The following FOXO1 variants were observed in gnomAD, a reference collection of about 807,000 sequenced individuals.
FOXO1 encodes the protein forkhead box protein O1.
FOXO1 carries 6 observed loss-of-function variants against 44.1 expected under a neutral mutation model. The ratio of observed to expected loss-of-function variants is 0.14; its 90% CI spans 0.07 to 0.27. The LOEUF (loss-of-function observed/expected upper bound fraction) is 0.27, where lower values mean the gene tolerates loss of function less well. FOXO1 is among the 10% of genes least tolerant of loss of function. The pLI, the probability that FOXO1 is intolerant of heterozygous loss-of-function variation, is 1.00. For synonymous variants in FOXO1, 380 were observed against 362.7 expected (o/e 1.05, Z -0.54); for missense variants, 737 against 888.8 (o/e 0.83, Z 2.17).
At chr13:40,663,410 T>A (rs1398065632) in intron 1 of FOXO1, among the ~76,000 whole-genome samples, 1 of 152,218 alleles carries the variant, frequency 6.6e-6, no homozygotes, top group Non-Finnish European at 1.5e-5. Flanking sequence ...CCCAAAACAC[T>A]TCCTTTATCT....
intron 1 of FOXO1, chr13:40,620,374 G>A (rs1287026170): frequency 3.3e-5 from 23 of 697,720 alleles, no homozygotes; most frequent in East Asian, 1.1e-4. Flanking sequence ...CGTTTAGAGC[G>A]GTCACGTATT....
chr13:40,614,129 G>A (rs1218711936), intron 1 of FOXO1, among the ~76,000 whole-genome samples: 1 of 152,114 alleles, frequency 6.6e-6, no homozygotes. Context: ...ACAAATGTTG[G>A]AAAAGTCCCA....
chr13:40,578,122 G>T (rs1593385821), intron 1 of FOXO1, among the ~76,000 whole-genome samples: 1 of 152,208 alleles, frequency 6.6e-6, no homozygotes, highest in Admixed American at 6.5e-5. Context: ...TGAACATTAA[G>T]TACTAAAGAA....
At chr13:40,617,794 CAG>C (rs1020316306) in intron 1 of FOXO1, among the ~76,000 whole-genome samples, 34 of 152,150 alleles carry the variant, frequency 2.2e-4, no homozygotes, top group African/African-American at 7.7e-4. Context: ...TTTTTAATTT[CAG>C]AGATTCCTAA....
At position 40,640,307 on chromosome 13, in the gene FOXO1, T is replaced by A. The variant is rs77911505; in HGVS notation, c.630+25276A>T. ...AGGGAAAGGGAGGGACGATGAACAT[T>A]ATTTGGAAGCAGAGTCCTAAGCCAA... On this transcript the variant is annotated intron_variant, in intron 1 of 2. Coordinates refer to ENST00000379561, the MANE Select transcript of FOXO1 (RefSeq NM_002015.4). Among the ~76,000 whole-genome samples the A allele has an allele frequency of 1.1e-3, 168 of 152,330 alleles. 2 individuals carry two copies. In the East Asian group the frequency reaches 0.03, roughly 27 times the overall value.
At chr13:40,585,566 T>C (rs956350374) in intron 1 of FOXO1, among the ~76,000 whole-genome samples, 2 of 152,212 alleles carry the variant, frequency 1.3e-5, no homozygotes, top group Non-Finnish European at 2.9e-5. Context: ...TAAAATTCCT[T>C]TACAGTTCTG....
intron 1 of FOXO1, among the ~76,000 whole-genome samples, chr13:40,571,115 G>A (rs1187464463): frequency 6.6e-6 from 1 of 151,996 alleles, no homozygotes; most frequent in African/African-American, 2.4e-5. Flanking sequence ...TAAGGTCCCT[G>A]TGGTGGATAT....
Position 40,614,649 on chromosome 13 carries a change from C to A in FOXO1, c.630+50934G>T, listed in dbSNP as rs188385997. Among the ~76,000 whole-genome samples the A allele has an allele frequency of 3.5e-3, 526 of 152,266 alleles. 4 individuals carry two copies. The highest frequency in any genetic ancestry group is 0.012 in the African/African-American group (502 of 41,552). ...AAAGCACAAGGATAGTGATGCTCCC[C>A]TTATCTGGTGGCCAGCCTTCCAACC... On this transcript the variant is annotated intron_variant, in intron 1 of 2. Coordinates refer to ENST00000379561, the MANE Select transcript of FOXO1 (RefSeq NM_002015.4).
At chr13:40,589,407 C>T (rs1875288880) in intron 1 of FOXO1, among the ~76,000 whole-genome samples, 2 of 152,284 alleles carry the variant, frequency 1.3e-5, no homozygotes, top group Admixed American at 1.3e-4. Flanking sequence ...CTTTCATATC[C>T]ATTTCAAGTT....
At position 40,638,300 on chromosome 13, in the gene FOXO1, A is replaced by G. The variant is rs923854038; in HGVS notation, c.630+27283T>C. Among the ~76,000 whole-genome samples, 8 of 152,186 alleles carry G rather than the reference A, an allele frequency of 5.3e-5. No homozygotes were observed. In the South Asian group the frequency reaches 1.2e-3, roughly 24 times the overall value. On this transcript the variant is annotated intron_variant, in intron 1 of 2. Transcript: ENST00000379561. ...CCAGATGAGAACCTCTGGCATCACC[A>G]TCATCACCATAAGGAGATAACTTAT...
intron 1 of FOXO1, among the ~76,000 whole-genome samples, chr13:40,622,719 A>C (rs1204234498): frequency 6.6e-6 from 1 of 152,176 alleles, no homozygotes; most frequent in Non-Finnish European, 1.5e-5. Flanking sequence ...GAAAACACAC[A>C]GCTCTATGCC....
intron 1 of FOXO1, among the ~76,000 whole-genome samples, chr13:40,607,605 C>T (rs750817180): frequency 5.3e-5 from 8 of 152,126 alleles, no homozygotes; most frequent in African/African-American, 1.2e-4. Flanking sequence ...ACACAGCATT[C>T]GACAGTCATT....
chr13:40,571,438 T>C (rs1874492189), intron 1 of FOXO1, among the ~76,000 whole-genome samples: 1 of 152,112 alleles, frequency 6.6e-6, no homozygotes, highest in African/African-American at 2.4e-5. Context: ...TTGTTTCCCC[T>C]AGGATTGATT....
intron 1 of FOXO1, among the ~76,000 whole-genome samples, chr13:40,564,940 T>TG (rs1477758265): frequency 1.3e-5 from 2 of 152,058 alleles, no homozygotes; most frequent in African/African-American, 2.4e-5. Flanking sequence ...GCTCCACAGA[T>TG]GGGGGAGTCG....
Position 40,556,884 on chromosome 13 carries a change from G to A in FOXO1, c.*2165C>T, listed in dbSNP as rs1873774035. ...AGGAAAGTGACAGTACGTAGTAATA[G>A]AAATTAGTACACAAGTACTTTGGCA... On this transcript the variant is annotated 3_prime_UTR_variant, in exon 3 of 3. Coordinates refer to ENST00000379561, the MANE Select transcript of FOXO1 (RefSeq NM_002015.4). 1 of 152,168 alleles carries A rather than the reference G, an allele frequency of 6.6e-6. No individual in the cohort carries two copies. The highest frequency in any genetic ancestry group is 2.4e-5 in the African/African-American group (1 of 41,432). The allele number at this position is 152,168 out of a possible 1,614,324, so 9.4% of individuals were successfully genotyped here. A position where few individuals can be genotyped will look rare whatever the true frequency, so the allele number is the denominator to read the frequency against.
intron 1 of FOXO1, among the ~76,000 whole-genome samples, chr13:40,563,533 T>A (rs968985917): frequency 6.6e-6 from 1 of 151,922 alleles, no homozygotes; most frequent in Non-Finnish European, 1.5e-5. Context: ...AGCCCCAGAT[T>A]CCCGGCTGGA....
intron 1 of FOXO1, among the ~76,000 whole-genome samples, chr13:40,617,914 C>T (rs1165326121): frequency 2.6e-5 from 4 of 152,118 alleles, no homozygotes; most frequent in Admixed American, 6.5e-5. Flanking sequence ...AGAGTGCAAG[C>T]CTCAGGTGAT....
intron 1 of FOXO1, among the ~76,000 whole-genome samples, chr13:40,631,906 C>T (rs1038937688): frequency 1.3e-5 from 2 of 152,050 alleles, no homozygotes; most frequent in Non-Finnish European, 2.9e-5. Flanking sequence ...CGTTTTAAAA[C>T]GGTTAAGATA....
intron 1 of FOXO1, among the ~76,000 whole-genome samples, chr13:40,622,384 A>G (rs1566078142): frequency 6.6e-6 from 1 of 152,246 alleles, no homozygotes; most frequent in Non-Finnish European, 1.5e-5. Context: ...AATAAACATT[A>G]AAACAAACAA....
Sources: allele counts gnomAD v4.1 joint callset (sites outside exome capture counted in the v4.1 genomes callset), GRCh38; gene constraint gnomAD v4.1.1; transcripts MANE v1.5; gene names NCBI Gene and HGNC (gene_info 2026-07-23, HGNC 2026-07-21).